CYTH4: variants seen among roughly 807,000 people sequenced by gnomAD.
The protein encoded by CYTH4 is cytohesin 4.
CYTH4 carries 22 observed loss-of-function variants against 57.5 expected under a neutral mutation model. The ratio of observed to expected loss-of-function variants is 0.38; its 90% CI spans 0.27 to 0.55. The LOEUF is 0.55. Ranked by LOEUF, CYTH4 falls within the 20% of genes least tolerant of loss-of-function variation. The pLI is 0.74. For missense variants in CYTH4, 420 were observed against 535.6 expected, an observed-to-expected ratio of 0.78 and a Z score of 2.13; for synonymous variants, 186 against 206.5, an observed-to-expected ratio of 0.90 and a Z score of 0.85.
chr22:37,297,307 A>T (rs1383256648), intron 4 of CYTH4, among the ~76,000 whole-genome samples: 1 of 152,060 alleles, frequency 6.6e-6, no homozygotes, highest in African/African-American at 2.4e-5. Context: ...ACTGAGGGGG[A>T]CCCTGGGGAG....
At chr22:37,288,583 C>CA (rs35788749) in intron 1 of CYTH4, among the ~76,000 whole-genome samples, 79,678 of 141,564 alleles carry the variant, frequency 0.56, 22,081 homozygotes, top group South Asian at 0.77. Context: ...AAGACTGTCT[C>CA]AAAAAAAAAA....
chr22:37,286,517 A>T (rs1372496502), intron 1 of CYTH4, among the ~76,000 whole-genome samples: 1 of 152,142 alleles, frequency 6.6e-6, no homozygotes, highest in Admixed American at 6.5e-5. Flanking sequence ...TTATTGAGCC[A>T]TGCAGATCCC....
At chr22:37,296,277 G>C in intron 4 of CYTH4, 2 of 595,804 alleles carry the variant, frequency 3.4e-6, no homozygotes, top group Non-Finnish European at 5.9e-6. Context: ...GGCAGGAGGA[G>C]CCAGGAGCAT....
At chr22:37,287,278 A>C (rs542329035) in intron 1 of CYTH4, among the ~76,000 whole-genome samples, 80 of 152,190 alleles carry the variant, frequency 5.3e-4, no homozygotes, top group African/African-American at 1.9e-3. Context: ...AGGTCGGCCT[A>C]GGAGGAGCTT....
chr22:37,283,548 G>T lies in CYTH4; in HGVS notation c.19+960G>T, dbSNP rs1209116936. Reference sequence around the variant, plus strand: ...GTGGAGCAGCCTGGCCCCGCCCACTGGGCATCCCCCTTCCTCCCCACCCCC... The same window carrying T: ...GTGGAGCAGCCTGGCCCCGCCCACTTGGCATCCCCCTTCCTCCCCACCCCC... On this transcript the variant is annotated intron_variant, in intron 1 of 12. Coordinates refer to ENST00000248901, the MANE Select transcript of CYTH4 (RefSeq NM_013385.5). Among the ~76,000 whole-genome samples, 22 of 151,196 alleles carry T rather than the reference G, an allele frequency of 1.5e-4. 1 individual carries two copies. Among genetic ancestry groups the T allele is most frequent in the Non-Finnish European group, 1.5e-4 (10 of 67,810 alleles).
Position 37,282,511 on chromosome 22 carries a change from CAGCAGCTGGGTCGGCAAGCGACAGG to C in CYTH4, c.-54_-30del, listed in dbSNP as rs747602600. The C allele has an allele frequency of 1.2e-6, 2 of 1,611,626 alleles. No homozygotes were observed. Among genetic ancestry groups the C allele is most frequent in the Non-Finnish European group, 8.5e-7 (1 of 1,179,066 alleles). On this transcript the variant is annotated 5_prime_UTR_variant, in exon 1 of 13. Transcript: ENST00000248901. ...CGCATCCTTGCCGGGCCAGCCCGAACAGCAGCTGGGTCGGCAAGCGACAGGAGCACGGGTCATCTTTTCCCCAGAG... is the reference window on the plus strand; with the variant it reads ...CGCATCCTTGCCGGGCCAGCCCGAACAGCACGGGTCATCTTTTCCCCAGAG...
At chr22:37,304,089 G>A (rs1217407352) in intron 8 of CYTH4, 24 of 442,020 alleles carry the variant, frequency 5.4e-5, no homozygotes, top group South Asian at 1.9e-4. Context: ...CTGTCACTGC[G>A]GCTGTCATTG....
rs145874855 is a variant in CYTH4, at chr22:37,300,968, G to A, written c.496G>A (p.Ala166Thr). Reference protein sequence around the residue: ...EAQKIDRMMEAFATRYCLCNP... With the variant: ...EAQKIDRMMETFATRYCLCNP... ...CCAGAAGATAGACCGGATGATGGAG[G>A]CCTTTGCCACTCGATACTGCCTCTG... Residue 166 changes from alanine (A) to threonine (T), a missense_variant, in exon 7 of 13, where the codon GCC becomes ACC. Transcript: ENST00000248901. 29 of 1,614,096 alleles carry A rather than the reference G, an allele frequency of 1.8e-5. No individual in the cohort carries two copies. Among genetic ancestry groups the A allele is most frequent in the Non-Finnish European group, 2.5e-5 (29 of 1,180,044 alleles).
At position 37,294,710 on chromosome 22, in the gene CYTH4, G is replaced by A. The variant is rs751818016; in HGVS notation, c.153G>A (p.Glu51=). The A allele has an allele frequency of 2.5e-6, 4 of 1,613,764 alleles. No homozygotes were observed. Among genetic ancestry groups the A allele is most frequent in the Non-Finnish European group, 3.4e-6 (4 of 1,179,838 alleles). Residue 51 remains glutamate, a synonymous_variant, in exon 3 of 13, where the codon GAG becomes GAA. Coordinates refer to ENST00000248901, the MANE Select transcript of CYTH4 (RefSeq NM_013385.5). ...ADVFAQIDCF[E]SAEESRMAQK... ...TGTTTGCCCAAATCGACTGCTTCGA[G>A]AGTGCGGAGGAGAGGTGAGGGGCTT...
At chr22:37,294,585 T>A (rs1270768946) in intron 2 of CYTH4, 75 bp from the exon 3 acceptor site, 19 of 1,544,070 alleles carry the variant, frequency 1.2e-5, no homozygotes, top group Non-Finnish European at 1.6e-5. Flanking sequence ...GTAGGAGTGG[T>A]CCTTGTGGTC....
In CYTH4 at chr22:37,311,286, G is replaced by A. The variant is rs1016143156; in HGVS notation, c.886-170G>A. ...CTTAAAGCTGGGCCTCCTAAGTTCC[G>A]GCCAGAGGTCTTCACATGCTGCTTC... On this transcript the variant is annotated intron_variant, in intron 10 of 12. Coordinates refer to ENST00000248901, the MANE Select transcript of CYTH4 (RefSeq NM_013385.5). The surrounding 1 kb of genome is among the most constrained non-coding windows in gnomAD (Gnocchi z 4.4). 4.6e-5 allele frequency among the ~76,000 whole-genome samples: 7 copies of A among 152,210 alleles called. No individual in the cohort carries two copies. The highest frequency in any genetic ancestry group is 7.2e-5 in the African/African-American group (3 of 41,466).
rs188553120 is a variant in CYTH4, at chr22:37,311,081, T to C, written c.885+17T>C. On this transcript the variant is annotated intron_variant, in intron 10 of 12. Transcript: ENST00000248901. The surrounding 1 kb of genome is among the most constrained non-coding windows in gnomAD (Gnocchi z 4.4). ...TTCACCACTGTGAGCAGGGTTCTCCTGGGCCTTCCCCTGCCCCCGCCTCTC... is the reference window on the plus strand; with the variant it reads ...TTCACCACTGTGAGCAGGGTTCTCCCGGGCCTTCCCCTGCCCCCGCCTCTC... 779 of 1,613,498 alleles carry C rather than the reference T, an allele frequency of 4.8e-4. 2 individuals are homozygous for C. In the African/African-American group the frequency reaches 9.4e-3, roughly 19 times the overall value.
At chr22:37,292,340 T>C (rs139346627) in intron 1 of CYTH4, 6,060 of 426,318 alleles carry the variant, frequency 0.014, 54 homozygotes, top group Middle Eastern at 0.027. Flanking sequence ...TGAACTCTCA[T>C]GGAGCCGAGA....
chr22:37,302,755 C>T (rs528801574), intron 7 of CYTH4, among the ~76,000 whole-genome samples: 1 of 152,330 alleles, frequency 6.6e-6, no homozygotes, highest in East Asian at 1.9e-4. Flanking sequence ...GCCCTCCCTC[C>T]TGAGTGCTTG....
chr22:37,304,205 GA>G (rs1481514567), intron 8 of CYTH4: 4 of 456,604 alleles, frequency 8.8e-6, no homozygotes, highest in African/African-American at 2.0e-5. Context: ...GAGAAGCCGG[GA>G]AAGGACATTT....
In CYTH4 at chr22:37,311,936, C is replaced by T; in HGVS notation, c.958-84C>T. ...AGGGCTGTCACGCTGATCAGGGACACTAGCGTCTGGGCTTCTCTGAGCCTC... is the reference window on the plus strand; with the variant it reads ...AGGGCTGTCACGCTGATCAGGGACATTAGCGTCTGGGCTTCTCTGAGCCTC... On this transcript the variant is annotated intron_variant, in intron 11 of 12. Coordinates refer to ENST00000248901, the MANE Select transcript of CYTH4 (RefSeq NM_013385.5). This position sits in a 1 kb window ranked among gnomAD's most constrained non-coding sequence, Gnocchi z 4.4. The T allele has an allele frequency of 6.6e-7, 1 of 1,524,408 alleles. No individual in the cohort carries two copies. Among genetic ancestry groups the T allele is most frequent in the Non-Finnish European group, 8.9e-7 (1 of 1,121,036 alleles). The allele number at this position is 1,524,408 out of a possible 1,614,324, so 94.4% of individuals were successfully genotyped here.
At position 37,299,932 on chromosome 22, in the gene CYTH4, A is replaced by G. The variant is rs1192559175; in HGVS notation, c.434+626A>G. 7.8e-6 allele frequency: 5 copies of G among 639,912 alleles called. No individual in the cohort carries two copies. In the Admixed American group the frequency reaches 1.1e-4, roughly 14 times the overall value. 39.6% of individuals were successfully genotyped at this position (639,912 alleles called of 1,614,324 possible). ...CCTGGACCTGGGAGGTGGAGGTTGT[A>G]GTGAGACAAGATCACACCACTGCAC... On this transcript the variant is annotated intron_variant, in intron 6 of 12. Coordinates refer to ENST00000248901, the MANE Select transcript of CYTH4 (RefSeq NM_013385.5).
chr22:37,296,897 C>T (rs5756601), intron 4 of CYTH4, among the ~76,000 whole-genome samples: 76,671 of 152,078 alleles, frequency 0.5, 21,231 homozygotes, highest in South Asian at 0.78. Context: ...GGAATCTTCA[C>T]GGAGAGCCAG....
At chr22:37,287,131 CGGT>C (rs1279985232) in intron 1 of CYTH4, among the ~76,000 whole-genome samples, 3 of 151,996 alleles carry the variant, frequency 2.0e-5, no homozygotes, top group Non-Finnish European at 4.4e-5. Context: ...ATGACAAGAG[CGGT>C]GGTGACCAAT....
Sources: gnomAD v4.1 joint callset for allele counts (sites outside exome capture counted in the v4.1 genomes callset) on GRCh38, gnomAD v4.1.1 for gene constraint, Gnocchi (gnomAD v3.1) non-coding constraint, MANE v1.5 for transcripts, NCBI Gene and HGNC (gene_info 2026-07-23, HGNC 2026-07-21) for gene names.